The following RBFOX1 variants were observed in gnomAD, a reference collection of about 807,000 sequenced individuals.
The protein encoded by RBFOX1 is RNA binding protein fox-1 homolog 1.
RBFOX1 carries 8 observed loss-of-function variants against 57.7 expected under a neutral mutation model. The ratio of observed to expected loss-of-function variants is 0.14; its 90% confidence interval spans 0.08 to 0.25. The LOEUF is 0.25. RBFOX1 is among the 10% of genes least tolerant of loss of function. The probability of loss-of-function intolerance (pLI) is 1.00; values close to 1 mark genes in which losing one functional copy is unlikely to be tolerated. For missense variants in RBFOX1, 611 were observed against 548.5 expected (o/e 1.11, Z -1.14); for synonymous variants, 326 against 222.4 (o/e 1.47, Z -4.15).
At chr16:6,087,524 C>G (rs552859240) in intron 1 of RBFOX1, among the ~76,000 whole-genome samples, 1 of 152,124 alleles carries the variant, frequency 6.6e-6, no homozygotes, top group Non-Finnish European at 1.5e-5. Context: ...CCTGCTTTGT[C>G]TTAAGATAGC....
intron 4 of RBFOX1, among the ~76,000 whole-genome samples, chr16:7,140,193 T>TCC (rs1555505233): frequency 3.7e-5 from 5 of 133,724 alleles, no homozygotes; most frequent in Admixed American, 7.6e-5. Flanking sequence ...TCTCTCTCTC[T>TCC]CCCTCCTTCT....
intron 14 of RBFOX1, among the ~76,000 whole-genome samples, chr16:7,697,207 G>A (rs1044629031): frequency 3.9e-5 from 6 of 152,254 alleles, no homozygotes; most frequent in African/African-American, 9.6e-5. Context: ...CAATGGCTTG[G>A]GTTAGTGGGG....
chr16:7,141,306 C>A (rs1038489461), intron 4 of RBFOX1, among the ~76,000 whole-genome samples: 1 of 152,100 alleles, frequency 6.6e-6, no homozygotes, highest in African/African-American at 2.4e-5. Context: ...ATTATTCACC[C>A]ACGGAATACC....
intron 3 of RBFOX1, among the ~76,000 whole-genome samples, chr16:6,674,126 G>T (rs1252529623): frequency 1.3e-5 from 2 of 152,128 alleles, no homozygotes; most frequent in African/African-American, 4.8e-5. Context: ...GCTAAGATTG[G>T]TATTAAGTCC....
chr16:5,447,342 C>A (rs1445791113), intron 1 of RBFOX1, among the ~76,000 whole-genome samples: 1 of 149,610 alleles, frequency 6.7e-6, no homozygotes, highest in Non-Finnish European at 1.5e-5. Flanking sequence ...TGAGCCATTC[C>A]CTGTCTCTCA....
chr16:6,499,202 T>C (rs17539244), intron 2 of RBFOX1, among the ~76,000 whole-genome samples: 45,854 of 151,990 alleles, frequency 0.3, 7,760 homozygotes, highest in Non-Finnish European at 0.39. Flanking sequence ...AATAAGTTGG[T>C]TGTTAGGACA....
chr16:6,001,838 A>G (rs1179334950), intron 4 of RBFOX1, among the ~76,000 whole-genome samples: 2 of 152,148 alleles, frequency 1.3e-5, no homozygotes, highest in East Asian at 1.9e-4. Context: ...GCCAAACTGG[A>G]ATATCCAATG....
At chr16:7,168,158 C>T (rs752520759) in intron 4 of RBFOX1, among the ~76,000 whole-genome samples, 10 of 152,180 alleles carry the variant, frequency 6.6e-5, no homozygotes, top group African/African-American at 9.7e-5. Context: ...TTAAAGTTCA[C>T]TTATCAATGA....
intron 2 of RBFOX1, among the ~76,000 whole-genome samples, chr16:5,487,693 T>C (rs2042675701): frequency 6.6e-6 from 1 of 152,192 alleles, no homozygotes; most frequent in Non-Finnish European, 1.5e-5. Flanking sequence ...TCTTCCAAGA[T>C]GGTGGAGCTC....
At chr16:6,995,994 A>G (rs1240834841) in intron 3 of RBFOX1, among the ~76,000 whole-genome samples, 2 of 152,178 alleles carry the variant, frequency 1.3e-5, no homozygotes, top group African/African-American at 2.4e-5. Flanking sequence ...TTGGAAGTAT[A>G]TTTATAGCAT....
intron 2 of RBFOX1, among the ~76,000 whole-genome samples, chr16:5,558,373 T>C (rs540828316): frequency 8.5e-5 from 13 of 152,248 alleles, no homozygotes; most frequent in Non-Finnish European, 1.8e-4. Flanking sequence ...GCGGTCCTCA[T>C]GTCCTCACCA....
chr16:6,517,204 G>A (rs546428696), intron 2 of RBFOX1, among the ~76,000 whole-genome samples: 1 of 152,134 alleles, frequency 6.6e-6, no homozygotes, highest in South Asian at 2.1e-4. Context: ...TTTATGGAAG[G>A]GCGTGATGAT....
At chr16:7,196,770 A>G (rs1395691450) in intron 4 of RBFOX1, among the ~76,000 whole-genome samples, 2 of 152,140 alleles carry the variant, frequency 1.3e-5, no homozygotes, top group African/African-American at 2.4e-5. Flanking sequence ...AAGCCTGGGC[A>G]GGCTTTTGAG....
intron 1 of RBFOX1, among the ~76,000 whole-genome samples, chr16:6,280,537 C>T (rs771486849): frequency 2.0e-5 from 3 of 152,134 alleles, no homozygotes; most frequent in Non-Finnish European, 4.4e-5. Flanking sequence ...TTGCATCATG[C>T]GTCCACACAG....
chr16:6,135,267 G>A (rs1236901751), intron 1 of RBFOX1, among the ~76,000 whole-genome samples: 2 of 152,146 alleles, frequency 1.3e-5, no homozygotes, highest in African/African-American at 2.4e-5. Context: ...TGCAGAACAG[G>A]CATTCTGAGT....
intron 5 of RBFOX1, among the ~76,000 whole-genome samples, chr16:7,531,042 C>T (rs910995943): frequency 1.3e-5 from 2 of 152,094 alleles, no homozygotes; most frequent in Non-Finnish European, 1.5e-5. Context: ...TCAGCCTGTA[C>T]CACTCAAAAC....
intron 1 of RBFOX1, among the ~76,000 whole-genome samples, chr16:6,175,205 C>G (rs1018364411): frequency 1.3e-5 from 2 of 152,096 alleles, no homozygotes; most frequent in East Asian, 3.9e-4. Context: ...GCAATAGAAC[C>G]TGACTATGAA....
At chr16:6,633,142 C>A (rs1386289958) in intron 2 of RBFOX1, among the ~76,000 whole-genome samples, 1 of 152,164 alleles carries the variant, frequency 6.6e-6, no homozygotes, top group Non-Finnish European at 1.5e-5. Context: ...AGCTGACGTG[C>A]ACCCCTGTGC....
intron 4 of RBFOX1, among the ~76,000 whole-genome samples, chr16:7,454,665 A>G (rs993665892): frequency 6.6e-6 from 1 of 152,218 alleles, no homozygotes; most frequent in Non-Finnish European, 1.5e-5. Flanking sequence ...AAACATTTGG[A>G]TAGAACTTGA....
Sources: gnomAD v4.1 joint callset for allele counts (sites outside exome capture counted in the v4.1 genomes callset) on GRCh38, gnomAD v4.1.1 for gene constraint, MANE v1.5 for transcripts, NCBI Gene and HGNC (gene_info 2026-07-23, HGNC 2026-07-21) for gene names.